The following HTR1F variants were observed in gnomAD, a reference collection of about 807,000 sequenced individuals.
The protein encoded by HTR1F is 5-hydroxytryptamine receptor 1F, also known as 5-hydroxytryptamine (serotonin) receptor 1F, G protein-coupled.
A neutral mutation model predicts 24.0 loss-of-function variants in HTR1F; 17 were observed. The ratio of observed to expected loss-of-function variants is 0.71; its 90% CI spans 0.48 to 1.06. HTR1F has a LOEUF of 1.06. Ranked by LOEUF, HTR1F falls within the 50% of genes least tolerant of loss-of-function variation. The pLI is 0.00. For missense variants in HTR1F, 391 were observed against 427.8 expected, an observed-to-expected ratio of 0.91 and a Z score of 0.76; for synonymous variants, 186 against 156.8, an observed-to-expected ratio of 1.19 and a Z score of -1.39.
chr3:87,952,932 A>G (rs1704866205), intron 2 of HTR1F, among the ~76,000 whole-genome samples: 1 of 151,858 alleles, frequency 6.6e-6, no homozygotes, highest in Non-Finnish European at 1.5e-5. Context: ...TTCTACAATT[A>G]CTTGAGTATG....
At chr3:87,945,970 T>C (rs1704690698) in intron 2 of HTR1F, among the ~76,000 whole-genome samples, 1 of 152,154 alleles carries the variant, frequency 6.6e-6, no homozygotes, top group African/African-American at 2.4e-5. Context: ...TTTTGGGTTC[T>C]TGGCCTCACG....
At chr3:87,929,295 G>A (rs1436930276) in intron 2 of HTR1F, among the ~76,000 whole-genome samples, 10 of 152,052 alleles carry the variant, frequency 6.6e-5, no homozygotes, top group Non-Finnish European at 1.3e-4. Context: ...TCTTCATCAG[G>A]GCAGAGCCTC....
chr3:87,849,856 A>G (rs1274394841), intron 2 of HTR1F, among the ~76,000 whole-genome samples: 1 of 151,976 alleles, frequency 6.6e-6, no homozygotes, highest in African/African-American at 2.4e-5. Context: ...CAGATGAAAA[A>G]ATGCTCATCA....
intron 2 of HTR1F, among the ~76,000 whole-genome samples, chr3:87,897,350 A>C (rs1366546174): frequency 6.6e-6 from 1 of 151,814 alleles, no homozygotes; most frequent in Non-Finnish European, 1.5e-5. Flanking sequence ...CACACAAAAA[A>C]GGAAAATATT....
At chr3:87,968,759 T>C (rs1281670069) in intron 2 of HTR1F, among the ~76,000 whole-genome samples, 1 of 152,218 alleles carries the variant, frequency 6.6e-6, no homozygotes, top group Admixed American at 6.5e-5. Flanking sequence ...AATATTACTC[T>C]CCAAGACAAT....
intron 1 of HTR1F, among the ~76,000 whole-genome samples, chr3:87,803,631 T>C (rs1213403542): frequency 1.3e-5 from 2 of 152,272 alleles, no homozygotes; most frequent in East Asian, 3.9e-4. Context: ...ATATGTACAA[T>C]TCGTGTTACA....
chr3:87,802,891 A>G (rs1704017209), intron 1 of HTR1F, among the ~76,000 whole-genome samples: 1 of 152,192 alleles, frequency 6.6e-6, no homozygotes, highest in Admixed American at 6.5e-5. Flanking sequence ...CATTTCATCC[A>G]GTGCAGCTAC....
At chr3:87,865,031 G>A (rs1345125626) in intron 2 of HTR1F, among the ~76,000 whole-genome samples, 1 of 152,070 alleles carries the variant, frequency 6.6e-6, no homozygotes, top group Non-Finnish European at 1.5e-5. Flanking sequence ...ACTGCCTTCA[G>A]GAAGTTTTGT....
At chr3:87,970,666 A>C (rs1705266425) in intron 2 of HTR1F, among the ~76,000 whole-genome samples, 1 of 152,176 alleles carries the variant, frequency 6.6e-6, no homozygotes, top group African/African-American at 2.4e-5. Flanking sequence ...ACTTTCTCTC[A>C]ACTAATGAAA....
intron 2 of HTR1F, among the ~76,000 whole-genome samples, chr3:87,912,590 G>GT (rs1467704077): frequency 5.6e-5 from 3 of 53,238 alleles, no homozygotes; most frequent in African/African-American, 2.0e-4. Flanking sequence ...TTCGTATAAA[G>GT]TTTAAAAAAA....
chr3:87,950,865 T>C, intron 2 of HTR1F, among the ~76,000 whole-genome samples: 1 of 152,176 alleles, frequency 6.6e-6, no homozygotes, highest in East Asian at 1.9e-4. Context: ...TCCTAAATAA[T>C]GTCTAGTGAT....
intron 2 of HTR1F, among the ~76,000 whole-genome samples, chr3:87,968,178 A>C (rs937160723): frequency 7.9e-5 from 12 of 152,044 alleles, no homozygotes; most frequent in Admixed American, 7.2e-4. Flanking sequence ...GGAATTTTGA[A>C]CCTGAGAGAG....
intron 2 of HTR1F, among the ~76,000 whole-genome samples, chr3:87,882,787 A>T (rs1705835966): frequency 6.6e-6 from 1 of 151,976 alleles, no homozygotes; most frequent in South Asian, 2.1e-4. Flanking sequence ...GCGCACCAGC[A>T]TGGCACATGT....
chr3:87,969,239 G>T (rs143513174), intron 2 of HTR1F, among the ~76,000 whole-genome samples: 1 of 152,152 alleles, frequency 6.6e-6, no homozygotes, highest in Non-Finnish European at 1.5e-5. Flanking sequence ...AAAGAGCACC[G>T]CTATCCTCCA....
chr3:87,973,088 T>C lies in HTR1F; in HGVS notation c.-42-17620T>C, dbSNP rs1705320900. 2.0e-5 allele frequency among the ~76,000 whole-genome samples: 3 copies of C among 152,014 alleles called. No individual in the cohort carries two copies. The South Asian group carries it at 6.2e-4, about 32-fold the overall frequency. ...CGGGAAACTGAGGCAGGAGAATCGC[T>C]TGAACCCGGGAGGCGGAGGTTGCAG... On this transcript the variant is annotated intron_variant, in intron 2 of 2. Coordinates refer to ENST00000319595, the MANE Select transcript of HTR1F (RefSeq NM_001322209.2).
chr3:87,814,962 T>C (rs1704223739), intron 1 of HTR1F, among the ~76,000 whole-genome samples: 1 of 152,102 alleles, frequency 6.6e-6, no homozygotes, highest in Non-Finnish European at 1.5e-5. Context: ...TTCCTTTCCA[T>C]CTTTGACAAA....
chr3:87,849,696 T>C (rs1193820901), intron 2 of HTR1F, among the ~76,000 whole-genome samples: 7 of 151,710 alleles, frequency 4.6e-5, no homozygotes, highest in South Asian at 2.1e-4. Flanking sequence ...AGAAAATTTT[T>C]GCAATCTACT....
intron 1 of HTR1F, among the ~76,000 whole-genome samples, chr3:87,817,892 C>A (rs1464611974): frequency 1.3e-5 from 2 of 152,124 alleles, no homozygotes; most frequent in African/African-American, 4.8e-5. Context: ...ACAGCTCTAT[C>A]AAATTCAGGA....
intron 2 of HTR1F, among the ~76,000 whole-genome samples, chr3:87,923,568 T>C (rs1354620895): frequency 2.6e-5 from 4 of 152,064 alleles, no homozygotes; most frequent in Admixed American, 6.6e-5. Flanking sequence ...TACTGATTTT[T>C]GAATGTTGAT....
Sources: allele counts gnomAD v4.1 joint callset (sites outside exome capture counted in the v4.1 genomes callset), GRCh38; gene constraint gnomAD v4.1.1; transcripts MANE v1.5; gene names NCBI Gene and HGNC (gene_info 2026-07-23, HGNC 2026-07-21).